The following IQGAP1 variants were observed in gnomAD, a reference collection of about 807,000 sequenced individuals.
IQGAP1 encodes the protein ras GTPase-activating-like protein IQGAP1.
A neutral mutation model predicts 215.6 loss-of-function variants in IQGAP1; 66 were observed. The observed-to-expected ratio is 0.31, with a 90% CI of 0.25 to 0.38. The LOEUF (loss-of-function observed/expected upper bound fraction) is 0.38, where lower values mean the gene tolerates loss of function less well. Ranked by LOEUF, IQGAP1 falls within the 10% of genes least tolerant of loss-of-function variation. IQGAP1 has a pLI of 1.00. For missense variants in IQGAP1, 1,712 were observed against 1,997.1 expected (o/e 0.86, Z 2.72); for synonymous variants, 772 against 728.7 (o/e 1.06, Z -0.96).
At chr15:90,395,610 G>GCGCC (rs1438994081) in intron 2 of IQGAP1, among the ~76,000 whole-genome samples, 1 of 152,236 alleles carries the variant, frequency 6.6e-6, no homozygotes, top group African/African-American at 2.4e-5. Flanking sequence ...GTGAGCCACT[G>GCGCC]CGCCCGGCCG....
chr15:90,457,800 T>C (rs1411328030), intron 15 of IQGAP1, among the ~76,000 whole-genome samples: 3 of 152,186 alleles, frequency 2.0e-5, no homozygotes, highest in Admixed American at 2.0e-4. Flanking sequence ...TGTGCATTTC[T>C]GTTAGGTATA....
chr15:90,450,495 A>T (rs1490424267), intron 11 of IQGAP1, among the ~76,000 whole-genome samples: 1 of 151,804 alleles, frequency 6.6e-6, no homozygotes, highest in Non-Finnish European at 1.5e-5. Flanking sequence ...GCTGAATCAT[A>T]TGTAGTTTTA....
At chr15:90,448,061 G>C (rs1309293790) in intron 9 of IQGAP1, among the ~76,000 whole-genome samples, 1 of 152,162 alleles carries the variant, frequency 6.6e-6, no homozygotes, top group Non-Finnish European at 1.5e-5. Context: ...AGGAAATAAG[G>C]CTGCTAGTAA....
chr15:90,439,048 G>C (rs1313609675), intron 5 of IQGAP1, among the ~76,000 whole-genome samples: 1 of 151,920 alleles, frequency 6.6e-6, no homozygotes, highest in Non-Finnish European at 1.5e-5. Context: ...TATGCATTGA[G>C]TTTGTGCCAG....
Position 90,482,266 on chromosome 15 carries a change from G to C in IQGAP1, c.3540G>C (p.Glu1180Asp), listed in dbSNP as rs768991566. The C allele has an allele frequency of 1.2e-6, 2 of 1,614,108 alleles. No individual in the cohort carries two copies. Among genetic ancestry groups the C allele is most frequent in the Non-Finnish European group, 1.7e-6 (2 of 1,180,036 alleles). The change falls in exon 28 of 38, where the codon GAG (glutamate) becomes GAC (aspartate). Residue 1180 changes from glutamate to aspartate, a missense_variant. By Grantham distance (45) the Glu-to-Asp change is conservative. Around this residue, in one of 2 missense-constraint regions of IQGAP1, gnomAD observed 691 missense variants for 923.0 expected, o/e 0.75. Transcript: ENST00000268182. Reference protein sequence around the residue: ...SLHEKFPDAGEDELLKIIGNL... With the variant: ...SLHEKFPDAGDDELLKIIGNL... Reference sequence around the variant, plus strand: ...ATGAGAAGTTCCCTGATGCTGGTGAGGATGAGCTGCTGAAGGTAAGAATCT... The same window carrying C: ...ATGAGAAGTTCCCTGATGCTGGTGACGATGAGCTGCTGAAGGTAAGAATCT...
chr15:90,431,585 G>A (rs1567124110), intron 4 of IQGAP1, among the ~76,000 whole-genome samples: 1 of 152,114 alleles, frequency 6.6e-6, no homozygotes, highest in Non-Finnish European at 1.5e-5. Flanking sequence ...ACTAACAGTA[G>A]TATATTGTCC....
At chr15:90,404,257 C>T (rs1434794267) in intron 2 of IQGAP1, among the ~76,000 whole-genome samples, 1 of 152,318 alleles carries the variant, frequency 6.6e-6, no homozygotes, top group East Asian at 1.9e-4. Context: ...CCAGTTTGCA[C>T]ATCTGCCTGT....
intron 8 of IQGAP1, among the ~76,000 whole-genome samples, chr15:90,443,081 C>T (rs1329539921): frequency 1.3e-5 from 2 of 152,124 alleles, no homozygotes; most frequent in Non-Finnish European, 2.9e-5. Context: ...GTCACAGCCT[C>T]CTGAGTAGCT....
chr15:90,447,460 T>C (rs1965541906), intron 9 of IQGAP1, among the ~76,000 whole-genome samples: 1 of 152,230 alleles, frequency 6.6e-6, no homozygotes, highest in East Asian at 1.9e-4. Flanking sequence ...TTATTTTGTT[T>C]TTTACTAATG....
intron 25 of IQGAP1, 29 bp from the exon 26 acceptor site, chr15:90,477,636 A>C: frequency 2.7e-6 from 4 of 1,502,952 alleles, no homozygotes; most frequent in Non-Finnish European, 3.7e-6. Flanking sequence ...TTTTGTGACA[A>C]GTTTAAATTT....
intron 32 of IQGAP1, 28 bp from the exon 33 acceptor site, chr15:90,487,467 T>C (rs757249459): frequency 1.3e-6 from 2 of 1,554,630 alleles, no homozygotes; most frequent in Non-Finnish European, 1.8e-6. Context: ...ACTGGTAATA[T>C]TTAAATGCCT....
chr15:90,474,235 T>G, intron 22 of IQGAP1, 102 bp downstream of exon 22: 4 of 1,088,294 alleles, frequency 3.7e-6, no homozygotes, highest in East Asian at 2.5e-5. Context: ...AGGCAAGGCT[T>G]GGGGGAGAGG....
In IQGAP1 at chr15:90,486,118, T is replaced by C; in HGVS notation, c.4010T>C (p.Ile1337Thr). The C allele has an allele frequency of 6.2e-7, 1 of 1,613,150 alleles. No individual in the cohort carries two copies. Among genetic ancestry groups the C allele is most frequent in the Non-Finnish European group, 8.5e-7 (1 of 1,179,352 alleles). Residue 1337 changes from isoleucine (I) to threonine (T), a missense_variant, in exon 31 of 38, where the codon ATC becomes ACC. Ile to Thr is a moderately conservative substitution (Grantham distance 89). Coordinates refer to ENST00000268182, the MANE Select transcript of IQGAP1 (RefSeq NM_003870.4). The stretch of plus-strand genomic sequence containing the variant: ...GACGACCTCGGCGAGGTGCCCACCA[T>C]CGAGTCCCTGATAGGTAGAGTTCTA... Reference protein sequence around the residue: ...LLDDLGEVPTIESLIGESSGN... With the variant: ...LLDDLGEVPTTESLIGESSGN...
At chr15:90,448,199 C>T (rs951654407) in intron 9 of IQGAP1, among the ~76,000 whole-genome samples, 1 of 152,118 alleles carries the variant, frequency 6.6e-6, no homozygotes, top group Non-Finnish European at 1.5e-5. Context: ...GATACTTTCT[C>T]CTGTTTGGTA....
chr15:90,487,408 G>A (rs1966141573), intron 32 of IQGAP1, 87 bp from the exon 33 acceptor site: 2 of 911,208 alleles, frequency 2.2e-6, no homozygotes, highest in Non-Finnish European at 1.8e-6. Flanking sequence ...GGTACTGTTT[G>A]TGCTGCTGCT....
intron 15 of IQGAP1, 150 bp downstream of exon 15, chr15:90,456,465 G>C: frequency 1.4e-6 from 1 of 703,390 alleles, no homozygotes; most frequent in Non-Finnish European, 2.3e-6. Flanking sequence ...AAAAATGTGA[G>C]AGACATAGGC....
chr15:90,498,035 C>G (rs1019095977), intron 37 of IQGAP1, among the ~76,000 whole-genome samples: 1 of 151,902 alleles, frequency 6.6e-6, no homozygotes, highest in East Asian at 1.9e-4. Context: ...TCTGCTCATG[C>G]TGCCCTCCCT....
chr15:90,462,053 A>T (rs540720407), intron 15 of IQGAP1, among the ~76,000 whole-genome samples: 11 of 151,688 alleles, frequency 7.3e-5, no homozygotes, highest in African/African-American at 2.7e-4. Flanking sequence ...CTTTAGTCCC[A>T]GCTACTCGGG....
intron 2 of IQGAP1, among the ~76,000 whole-genome samples, chr15:90,406,335 T>G (rs1964877535): frequency 6.6e-6 from 1 of 152,198 alleles, no homozygotes; most frequent in Admixed American, 6.5e-5. Context: ...CCTGGCAATT[T>G]TTTGTATTTT....
Sources: allele counts gnomAD v4.1 joint callset (sites outside exome capture counted in the v4.1 genomes callset), GRCh38; gene constraint gnomAD v4.1.1; regional missense constraint gnomAD v4.1.1; transcripts MANE v1.5; gene names NCBI Gene and HGNC (gene_info 2026-07-23, HGNC 2026-07-21).